The following CAMTA1 variants were observed in gnomAD, a reference collection of about 807,000 sequenced individuals.
CAMTA1 encodes calmodulin binding transcription activator 1.
Under a neutral mutation model 170.9 loss-of-function variants are expected in CAMTA1, and 27 were observed. The observed-to-expected ratio is 0.16, with a 90% CI of 0.12 to 0.22. The LOEUF is 0.22. CAMTA1 is among the 10% of genes least tolerant of loss of function. The pLI is 1.00. For synonymous variants in CAMTA1, 833 were observed against 891.5 expected (o/e 0.93, Z 1.17); for missense variants, 1,619 against 2,217.2 (o/e 0.73, Z 5.42).
intron 3 of CAMTA1, among the ~76,000 whole-genome samples, chr1:6,891,061 C>G (rs530500498): frequency 6.6e-6 from 1 of 152,316 alleles, no homozygotes; most frequent in Admixed American, 6.5e-5. Flanking sequence ...GATGATGTGT[C>G]TGAGAGTCCT....
intron 3 of CAMTA1, among the ~76,000 whole-genome samples, chr1:6,851,812 G>A (rs1660464925): frequency 6.6e-6 from 1 of 152,054 alleles, no homozygotes; most frequent in Admixed American, 6.5e-5. Flanking sequence ...CCGGGAGTTC[G>A]AGACCAGCCT....
At chr1:7,568,701 C>T (rs1179321976) in intron 6 of CAMTA1, among the ~76,000 whole-genome samples, 1 of 151,614 alleles carries the variant, frequency 6.6e-6, no homozygotes, top group Non-Finnish European at 1.5e-5. Context: ...ATCATCACCA[C>T]ATCACCATCA....
chr1:7,004,370 G>T (rs72856251), intron 3 of CAMTA1, among the ~76,000 whole-genome samples: 1,829 of 152,296 alleles, frequency 0.012, 38 homozygotes, highest in African/African-American at 0.042. Context: ...AGTGGGTTAT[G>T]AAGAGGAGGC....
chr1:7,678,053 G>A (rs1558112798), intron 11 of CAMTA1, among the ~76,000 whole-genome samples: 2 of 152,158 alleles, frequency 1.3e-5, no homozygotes, highest in Non-Finnish European at 2.9e-5. Flanking sequence ...GCAGCTAAGA[G>A]GCTCTGGCGA....
chr1:7,181,917 A>G (rs952035271), intron 4 of CAMTA1, among the ~76,000 whole-genome samples: 2 of 152,080 alleles, frequency 1.3e-5, no homozygotes, highest in African/African-American at 4.8e-5. Flanking sequence ...GCAAATTAAG[A>G]ACTACTGGGA....
At chr1:7,414,193 A>T (rs1481242352) in intron 5 of CAMTA1, among the ~76,000 whole-genome samples, 2 of 152,226 alleles carry the variant, frequency 1.3e-5, no homozygotes, top group Non-Finnish European at 2.9e-5. Context: ...ATCAATGTTC[A>T]TCAAGGATAT....
Position 7,664,912 on chromosome 1 carries a change from A to T in CAMTA1, c.2365A>T (p.Thr789Ser). The change falls in exon 9 of 23, where the codon ACC (threonine) becomes TCC (serine). Residue 789 changes from threonine to serine, a missense_variant. Around this residue, in one of 8 missense-constraint regions of CAMTA1, gnomAD observed 731 missense variants for 907.6 expected, o/e 0.81. Coordinates refer to ENST00000303635, the MANE Select transcript of CAMTA1 (RefSeq NM_015215.4). ...DFISVEGGSS[T>S]IYGHQLVSGD... is the part of the protein sequence containing the mutation. The stretch of plus-strand genomic sequence containing the variant: ...CATCTCCGTGGAGGGGGGCAGCAGC[A>T]CCATCTATGGGCACCAGCTGGTGTC... 6.2e-7 allele frequency: 1 copy of T among 1,613,138 alleles called. No homozygotes were observed. The highest frequency in any genetic ancestry group is 8.5e-7 in the Non-Finnish European group (1 of 1,179,988).
In CAMTA1 at chr1:7,451,115, A is replaced by G. The variant is rs1201807521; in HGVS notation, c.439-16715A>G. On this transcript the variant is annotated intron_variant, in intron 5 of 22. Coordinates refer to ENST00000303635, the MANE Select transcript of CAMTA1 (RefSeq NM_015215.4). The stretch of plus-strand genomic sequence containing the variant: ...GACCCTGCTGAGGCTCCAGGTCCAG[A>G]GAGCAAACCTCCTGCCTGGTCCCAT... Among the ~76,000 whole-genome samples the G allele has an allele frequency of 7.2e-5, 11 of 152,280 alleles. No individual in the cohort carries two copies. In the East Asian group the frequency reaches 1.9e-3, roughly 27 times the overall value.
rs569580712 is a variant in CAMTA1, at chr1:7,373,243, C to T, written c.439-94587C>T. Among the ~76,000 whole-genome samples the T allele has an allele frequency of 1.2e-4, 18 of 152,320 alleles. No homozygotes were observed. The South Asian group carries it at 2.5e-3, about 21-fold the overall frequency. On this transcript the variant is annotated intron_variant, in intron 5 of 22. Coordinates refer to ENST00000303635, the MANE Select transcript of CAMTA1 (RefSeq NM_015215.4). The stretch of plus-strand genomic sequence containing the variant: ...ATTTCTACCCAGTAGTACCCCGTCT[C>T]TGCCAGTCGTGACTGCTAAGCAAGT...
intron 4 of CAMTA1, among the ~76,000 whole-genome samples, chr1:7,193,978 C>T (rs1270621634): frequency 3.9e-5 from 6 of 152,294 alleles, no homozygotes; most frequent in Middle Eastern, 6.8e-3. Flanking sequence ...TATTCACTAT[C>T]TTTCATGCCC....
chr1:7,184,463 C>T (rs895450560), intron 4 of CAMTA1, among the ~76,000 whole-genome samples: 2 of 152,002 alleles, frequency 1.3e-5, no homozygotes, highest in African/African-American at 4.8e-5. Flanking sequence ...ATGCCTGTAT[C>T]AAAATGTCTT....
intron 6 of CAMTA1, among the ~76,000 whole-genome samples, chr1:7,499,772 T>G (rs1420649883): frequency 3.5e-5 from 1 of 28,262 alleles, no homozygotes. Context: ...CTGTTGTGAG[T>G]GTGTGTGTCC....
At chr1:7,601,130 T>G (rs2095437775) in intron 6 of CAMTA1, among the ~76,000 whole-genome samples, 1 of 147,964 alleles carries the variant, frequency 6.8e-6, no homozygotes, top group Non-Finnish European at 1.5e-5. Context: ...CCCACCTCCC[T>G]CCCGGACGGG....
chr1:7,504,472 G>A (rs75599682), intron 6 of CAMTA1, among the ~76,000 whole-genome samples: 2,072 of 152,358 alleles, frequency 0.014, 56 homozygotes, highest in African/African-American at 0.047. Context: ...TCTCAGCCTC[G>A]GGCAGGGAGT....
intron 5 of CAMTA1, among the ~76,000 whole-genome samples, chr1:7,276,303 A>ATATATATATATATTTTTTTTTTTT: frequency 4.1e-5 from 1 of 24,230 alleles, no homozygotes; most frequent in African/African-American, 3.0e-4. Context: ...ATATATATAT[A>ATATATATATATATTTTTTTTTTTT]TTTTTTTTTT....
chr1:7,498,999 AGT>A (rs764358608), intron 6 of CAMTA1, among the ~76,000 whole-genome samples: 4 of 65,354 alleles, frequency 6.1e-5, no homozygotes, highest in Non-Finnish European at 8.5e-5. Flanking sequence ...TATGTATATG[AGT>A]GTGTGTGCAT....
chr1:7,558,339 C>A (rs2094909143), intron 6 of CAMTA1, among the ~76,000 whole-genome samples: 1 of 152,196 alleles, frequency 6.6e-6, no homozygotes, highest in South Asian at 2.1e-4. Context: ...GGGGTCAAGG[C>A]CGCCAGGGTT....
chr1:6,957,440 G>A (rs1029390592), intron 3 of CAMTA1, among the ~76,000 whole-genome samples: 2 of 152,098 alleles, frequency 1.3e-5, no homozygotes, highest in South Asian at 4.2e-4. Context: ...TTAAAATCAA[G>A]GTGTTGGCAG....
At chr1:7,684,690 A>G (rs937725576) in intron 11 of CAMTA1, among the ~76,000 whole-genome samples, 2 of 152,216 alleles carry the variant, frequency 1.3e-5, no homozygotes, top group African/African-American at 4.8e-5. Flanking sequence ...GTCTTAATGA[A>G]TTACTAATTA....
Sources: allele counts gnomAD v4.1 joint callset (sites outside exome capture counted in the v4.1 genomes callset), GRCh38; gene constraint gnomAD v4.1.1; regional missense constraint gnomAD v4.1.1; transcripts MANE v1.5; gene names NCBI Gene and HGNC (gene_info 2026-07-23, HGNC 2026-07-21).